Variants in PRDM5 observed in about 807,000 individuals in gnomAD.
PRDM5 encodes PR domain zinc finger protein 5.
PRDM5 carries 56 observed loss-of-function variants against 81.2 expected under a neutral mutation model. That is an observed-to-expected ratio of 0.69 (90% confidence interval 0.56 to 0.86). The LOEUF (loss-of-function observed/expected upper bound fraction) is 0.86. Ranked by LOEUF, PRDM5 falls within the 40% of genes least tolerant of loss-of-function variation. The pLI, the probability that PRDM5 is intolerant of heterozygous loss-of-function variation, is 0.00. For missense variants in PRDM5, 697 were observed against 770.1 expected, an observed-to-expected ratio of 0.91 and a Z score of 1.12; for synonymous variants, 267 against 256.4, an observed-to-expected ratio of 1.04 and a Z score of -0.39.
At chr4:120,857,618 T>C (rs1196509570) in intron 2 of PRDM5, among the ~76,000 whole-genome samples, 3 of 152,136 alleles carry the variant, frequency 2.0e-5, no homozygotes, top group Admixed American at 2.0e-4. Context: ...GTTCACAACA[T>C]TGAATATGTC....
chr4:120,809,392 T>TA (rs1350033443), intron 8 of PRDM5, among the ~76,000 whole-genome samples: 4 of 148,046 alleles, frequency 2.7e-5, no homozygotes, highest in Admixed American at 6.8e-5. Flanking sequence ...TAAAGTATAA[T>TA]AAAAAAATAC....
chr4:120,900,222 T>C (rs181156486), intron 2 of PRDM5, among the ~76,000 whole-genome samples: 1 of 152,102 alleles, frequency 6.6e-6, no homozygotes, highest in Admixed American at 6.5e-5. Flanking sequence ...CACCCTCCTC[T>C]CCCTAGAGGT....
chr4:120,764,426 T>C (rs915193277), intron 13 of PRDM5, among the ~76,000 whole-genome samples: 2 of 152,192 alleles, frequency 1.3e-5, no homozygotes, highest in African/African-American at 4.8e-5. Flanking sequence ...CATAGCACTA[T>C]AATTTTTACA....
downstream of PRDM5, among the ~76,000 whole-genome samples, chr4:120,689,600 CT>C (rs68162390): frequency 7.6e-3 from 1,092 of 143,812 alleles, 6 homozygotes; most frequent in East Asian, 0.018. Flanking sequence ...TTTCAAAATT[CT>C]TTTTTTTTTT....
chr4:120,703,193 G>A (rs1455773916), intron 15 of PRDM5, among the ~76,000 whole-genome samples: 1 of 151,466 alleles, frequency 6.6e-6, no homozygotes, highest in African/African-American at 2.4e-5. Context: ...TTTTGTTTTT[G>A]TTTTTCTCTG....
At chr4:120,849,638 C>G (rs1163516800) in intron 3 of PRDM5, among the ~76,000 whole-genome samples, 4 of 152,092 alleles carry the variant, frequency 2.6e-5, no homozygotes, top group African/African-American at 9.7e-5. Context: ...ATGTAGCACT[C>G]CATCTCTGAA....
chr4:120,710,742 C>T (rs886177383), intron 14 of PRDM5, among the ~76,000 whole-genome samples: 5 of 151,950 alleles, frequency 3.3e-5, no homozygotes, highest in Admixed American at 1.3e-4. Flanking sequence ...TCTCTCCTGC[C>T]GCCATGTGAA....
chr4:120,738,144 G>A (rs548902526), intron 14 of PRDM5, among the ~76,000 whole-genome samples: 25 of 152,320 alleles, frequency 1.6e-4, no homozygotes, highest in African/African-American at 5.5e-4. Flanking sequence ...AATAGGGAAC[G>A]TCCCAACCAA....
chr4:120,796,683 G>A (rs376123147), intron 10 of PRDM5, among the ~76,000 whole-genome samples: 5 of 152,092 alleles, frequency 3.3e-5, no homozygotes, highest in Admixed American at 2.0e-4. Context: ...AGGCAGAGAC[G>A]ATTTAAGACA....
chr4:120,768,731 T>C (rs1272095310), intron 13 of PRDM5, among the ~76,000 whole-genome samples: 1 of 152,232 alleles, frequency 6.6e-6, no homozygotes, highest in Non-Finnish European at 1.5e-5. Flanking sequence ...TCCTCTACGT[T>C]CTTTCTAATG....
At chr4:120,782,691 TTTTA>T (rs1398822852) in intron 11 of PRDM5, among the ~76,000 whole-genome samples, 1 of 152,154 alleles carries the variant, frequency 6.6e-6, no homozygotes, top group Non-Finnish European at 1.5e-5. Context: ...ATACTTTCTG[TTTTA>T]TTTAAACATT....
chr4:120,788,515 A>T (rs1420167717), intron 10 of PRDM5, among the ~76,000 whole-genome samples: 3 of 152,230 alleles, frequency 2.0e-5, no homozygotes, highest in Non-Finnish European at 4.4e-5. Context: ...GCATTATCAT[A>T]AAAAGGTAGA....
intron 4 of PRDM5, 72 bp from the exon 5 acceptor site, chr4:120,818,599 T>C (rs1322540101): frequency 2.3e-6 from 3 of 1,321,858 alleles, no homozygotes; most frequent in African/African-American, 2.9e-5. Flanking sequence ...TTTGCTCTCA[T>C]TTTAAATTAA....
intron 8 of PRDM5, among the ~76,000 whole-genome samples, chr4:120,807,483 T>C (rs1753154277): frequency 6.6e-6 from 1 of 152,178 alleles, no homozygotes; most frequent in South Asian, 2.1e-4. Flanking sequence ...AATGACAGAC[T>C]GGATTAAGAA....
At chr4:120,686,982 A>T (rs1250897506), downstream of PRDM5, among the ~76,000 whole-genome samples, 1 of 152,082 alleles carries the variant, frequency 6.6e-6, no homozygotes, top group East Asian at 1.9e-4. Context: ...TCCAGTAAGA[A>T]GAGAGACAAA....
intron 2 of PRDM5, among the ~76,000 whole-genome samples, chr4:120,883,418 C>G (rs1763062311): frequency 6.6e-6 from 1 of 151,896 alleles, no homozygotes; most frequent in South Asian, 2.1e-4. Context: ...AAACTGATAT[C>G]AATCCACACA....
At chr4:120,706,453 T>C (rs373137046) in intron 15 of PRDM5, among the ~76,000 whole-genome samples, 65 of 152,118 alleles carry the variant, frequency 4.3e-4, no homozygotes, top group African/African-American at 1.5e-3. Flanking sequence ...TCCTCAGAGA[T>C]ATGGGAAATC....
chr4:120,704,690 G>A (rs774715744), intron 15 of PRDM5, among the ~76,000 whole-genome samples: 10 of 152,152 alleles, frequency 6.6e-5, no homozygotes, highest in Admixed American at 1.3e-4. Context: ...AAAGTCACAA[G>A]CATAGTACAA....
At chr4:120,815,941 G>T in intron 7 of PRDM5, 1 of 185,454 alleles carries the variant, frequency 5.4e-6, no homozygotes, top group Non-Finnish European at 1.1e-5. Context: ...TGTTTAGCTA[G>T]CTATCAGATG....
Sources: gnomAD v4.1 joint callset for allele counts (sites outside exome capture counted in the v4.1 genomes callset) on GRCh38, gnomAD v4.1.1 for gene constraint, MANE v1.5 for transcripts, NCBI Gene and HGNC (gene_info 2026-07-23, HGNC 2026-07-21) for gene names.